BLOC1S3: variants seen among roughly 807,000 people sequenced by gnomAD.
The protein encoded by BLOC1S3 is biogenesis of lysosome-related organelles complex 1 subunit 3.
A neutral mutation model predicts 9.1 loss-of-function variants in BLOC1S3; 7 were observed. The observed-to-expected ratio is 0.77, with a 90% CI of 0.44 to 1.45. BLOC1S3 has a LOEUF of 1.45. Ranked by LOEUF, BLOC1S3 falls within the 40% of genes most tolerant of loss-of-function variation. BLOC1S3 has a pLI of 0.01. For missense variants in BLOC1S3, 307 were observed against 315.2 expected (o/e 0.97, Z 0.20); for synonymous variants, 145 against 158.4 (o/e 0.92, Z 0.64).
rs1309076153 is a variant in BLOC1S3, at chr19:45,179,117, G to A, written c.-9-171G>A. 9.1e-6 allele frequency: 6 copies of A among 657,004 alleles called. No individual in the cohort carries two copies. The Admixed American group carries it at 1.9e-4, about 21-fold the overall frequency. The allele number at this position is 657,004 out of a possible 1,614,324, so 40.7% of individuals were successfully genotyped here. ...TGTACGCTGAAGAGCCTGGGGTCCAGTAACCCCCATCATCACCCAGTTTAC... is the reference window on the plus strand; with the variant it reads ...TGTACGCTGAAGAGCCTGGGGTCCAATAACCCCCATCATCACCCAGTTTAC... On this transcript the variant is annotated intron_variant, in intron 1 of 1. Coordinates refer to ENST00000433642, the MANE Select transcript of BLOC1S3 (RefSeq NM_212550.5). The surrounding 1 kb of genome is among the most constrained non-coding windows in gnomAD (Gnocchi z 4.6).
At chr19:45,209,044 TG>T (rs1180636612) in intron 3 of BLOC1S3, among the ~76,000 whole-genome samples, 1 of 135,574 alleles carries the variant, frequency 7.4e-6, no homozygotes, top group Admixed American at 7.6e-5. Flanking sequence ...ACTACAGTTT[TG>T]TTTTTTTTTT....
downstream of BLOC1S3, among the ~76,000 whole-genome samples, chr19:45,186,349 G>A (rs1969565682): frequency 6.6e-6 from 1 of 152,130 alleles, no homozygotes; most frequent in Non-Finnish European, 1.5e-5. Flanking sequence ...TTATTTTAGA[G>A]ATGGGATCTC....
At chr19:45,186,674 C>T (rs746776447), downstream of BLOC1S3, among the ~76,000 whole-genome samples, 4 of 152,188 alleles carry the variant, frequency 2.6e-5, no homozygotes, top group African/African-American at 4.8e-5. Context: ...AACTGCACTC[C>T]GGCCTGGGCG....
intron 3 of BLOC1S3, among the ~76,000 whole-genome samples, chr19:45,208,978 G>A (rs572296839): frequency 2.5e-4 from 38 of 152,038 alleles, no homozygotes; most frequent in Admixed American, 9.2e-4. Flanking sequence ...GTGGTCAAAG[G>A]ATACAAATTT....
At chr19:45,198,805 C>T (rs11673606) in intron 2 of BLOC1S3, 34,593 of 152,162 alleles carry the variant, frequency 0.23, 4,637 homozygotes, top group Non-Finnish European at 0.3. Flanking sequence ...GATTCTCGTG[C>T]CTCAGCCTCC....
chr19:45,215,566 G>C (rs557562819), intron 3 of BLOC1S3, among the ~76,000 whole-genome samples: 1 of 150,146 alleles, frequency 6.7e-6, no homozygotes, highest in Non-Finnish European at 1.5e-5. Flanking sequence ...TATAGTCATG[G>C]ATGATGATGA....
intron 2 of BLOC1S3, among the ~76,000 whole-genome samples, chr19:45,200,348 A>AT (rs1969681495): frequency 1.3e-5 from 2 of 151,642 alleles, no homozygotes; most frequent in Non-Finnish European, 2.9e-5. Flanking sequence ...CGCCTGGCTA[A>AT]TTTTTTTGTA....
intron 2 of BLOC1S3, among the ~76,000 whole-genome samples, chr19:45,201,699 T>G (rs1451399337): frequency 6.6e-6 from 1 of 152,176 alleles, no homozygotes; most frequent in Admixed American, 6.6e-5. Flanking sequence ...AGAAAAAGTC[T>G]TTCCTACTTG....
intron 2 of BLOC1S3, among the ~76,000 whole-genome samples, chr19:45,195,144 T>G (rs11671390): frequency 0.38 from 57,942 of 151,300 alleles, 11,804 homozygotes; most frequent in Non-Finnish European, 0.44. Flanking sequence ...CCTGACCTCG[T>G]GTGATCCACC....
intron 3 of BLOC1S3, chr19:45,213,456 A>G (rs1297209437): frequency 6.1e-6 from 9 of 1,473,752 alleles, no homozygotes; most frequent in Non-Finnish European, 8.2e-6. Context: ...CCTATCCCAG[A>G]AATTGCCTGA....
At chr19:45,178,981 A>G (rs563933221) in intron 1 of BLOC1S3, 150 bp downstream of exon 1, 51 of 293,360 alleles carry the variant, frequency 1.7e-4, no homozygotes, top group Non-Finnish European at 2.1e-4. Context: ...ATGGTGGACC[A>G]GGTGGAGGGT....
In BLOC1S3 at chr19:45,209,613, A is replaced by G. The variant is rs1039381028; in HGVS notation, n.283-7063A>G. Among the ~76,000 whole-genome samples, 424 of 151,384 alleles carry G rather than the reference A, an allele frequency of 2.8e-3. 5 individuals carry two copies. The highest frequency in any genetic ancestry group is 9.7e-3 in the African/African-American group (398 of 41,176). On this transcript the variant is annotated intron_variant and non_coding_transcript_variant, in intron 3 of 3. Coordinates refer to the BLOC1S3 transcript ENST00000591569. The stretch of plus-strand genomic sequence containing the variant: ...ATTTTTTGTATTTTTAGTAGAGACG[A>G]GGTTTCACCGTGTTAGCCAGGATGG...
intron 2 of BLOC1S3, among the ~76,000 whole-genome samples, chr19:45,202,067 A>G (rs1427452594): frequency 6.6e-6 from 1 of 151,788 alleles, no homozygotes; most frequent in African/African-American, 2.4e-5. Context: ...ACTAAAAACT[A>G]CAAAAAATTA....
chr19:45,198,365 C>T (rs1461138646), intron 2 of BLOC1S3, among the ~76,000 whole-genome samples: 1 of 152,194 alleles, frequency 6.6e-6, no homozygotes, highest in Non-Finnish European at 1.5e-5. Flanking sequence ...GAGCTCGGCT[C>T]ACTGCAACCT....
In BLOC1S3 at chr19:45,179,662, C is replaced by T. The variant is rs571269735; in HGVS notation, c.366C>T (p.His122=). 31,666 of 1,467,920 alleles carry T rather than the reference C, an allele frequency of 0.022. 411 individuals are homozygous for T. The highest frequency in any genetic ancestry group is 0.025 in the Non-Finnish European group (27,496 of 1,115,654). The allele number at this position is 1,467,920 out of a possible 1,614,324, so 90.9% of individuals were successfully genotyped here. The part of the protein sequence containing the change: ...RLAESQARLD[H]DVAAAVSGVY... ...CGGAGAGCCAGGCGCGGCTGGACCACGACGTGGCGGCCGCCGTGAGCGGTG... is the reference window on the plus strand; with the variant it reads ...CGGAGAGCCAGGCGCGGCTGGACCATGACGTGGCGGCCGCCGTGAGCGGTG... The change falls in exon 2 of 2, where the codon CAC becomes CAT. Residue 122 remains histidine (H), a synonymous_variant. Coordinates refer to ENST00000433642, the MANE Select transcript of BLOC1S3 (RefSeq NM_212550.5). The surrounding 1 kb of genome is among the most constrained non-coding windows in gnomAD (Gnocchi z 4.6).
chr19:45,181,708 C>T lies in BLOC1S3; in HGVS notation c.*1803C>T, dbSNP rs1969524194. 1 of 167,104 alleles carries T rather than the reference C, an allele frequency of 6.0e-6. No individual in the cohort carries two copies. Among genetic ancestry groups the T allele is most frequent in the Admixed American group, 6.6e-5 (1 of 15,258 alleles). 10.4% of individuals were successfully genotyped at this position (167,104 alleles called of 1,614,324 possible). On this transcript the variant is annotated 3_prime_UTR_variant, in exon 2 of 2. Transcript: ENST00000433642. Reference sequence around the variant, plus strand: ...CTCTCCCAGCCTGATATCCCTGTCCCTCATCTCAACCCGAAGCCAAGATCT... The same window carrying T: ...CTCTCCCAGCCTGATATCCCTGTCCTTCATCTCAACCCGAAGCCAAGATCT...
chr19:45,203,355 T>C (rs1342191366), intron 3 of BLOC1S3, among the ~76,000 whole-genome samples: 2 of 152,116 alleles, frequency 1.3e-5, no homozygotes, highest in African/African-American at 4.8e-5. Flanking sequence ...CTCACTGCAA[T>C]CTCTGCCTCT....
At chr19:45,206,669 A>G (rs1969730201) in intron 3 of BLOC1S3, among the ~76,000 whole-genome samples, 1 of 148,538 alleles carries the variant, frequency 6.7e-6, no homozygotes, top group Admixed American at 6.8e-5. Context: ...TGTGCTGCCC[A>G]GGCTGGACTT....
chr19:45,181,687 C>T lies in BLOC1S3; in HGVS notation c.*1782C>T, dbSNP rs899862584. 1 of 167,164 alleles carries T rather than the reference C, an allele frequency of 6.0e-6. No homozygotes were observed. The highest frequency in any genetic ancestry group is 1.9e-4 in the East Asian group (1 of 5,198). The allele number at this position is 167,164 out of a possible 1,614,324, so 10.4% of individuals were successfully genotyped here. A position where few individuals can be genotyped will look rare whatever the true frequency, so the allele number is the denominator to read the frequency against. ...GCCGCATTCATATTTACTCTCCTCT[C>T]CCAGCCTGATATCCCTGTCCCTCAT... On this transcript the variant is annotated 3_prime_UTR_variant, in exon 2 of 2. Coordinates refer to ENST00000433642, the MANE Select transcript of BLOC1S3 (RefSeq NM_212550.5).
Sources: gnomAD v4.1 joint callset for allele counts (sites outside exome capture counted in the v4.1 genomes callset) on GRCh38, gnomAD v4.1.1 for gene constraint, Gnocchi (gnomAD v3.1) non-coding constraint, MANE v1.5 for transcripts, NCBI Gene and HGNC (gene_info 2026-07-23, HGNC 2026-07-21) for gene names.